Variants in STXBP6 observed in about 807,000 individuals in gnomAD.
STXBP6 encodes syntaxin binding protein 6.
Under a neutral mutation model 26.9 loss-of-function variants are expected in STXBP6, and 21 were observed. The observed-to-expected ratio is 0.78, with a 90% CI of 0.55 to 1.12. The LOEUF (loss-of-function observed/expected upper bound fraction) is 1.12. Among genes scored for constraint, STXBP6 ranks in the 50% most tolerant of loss-of-function variants. The pLI is 0.00. For synonymous variants in STXBP6, 97 were observed against 92.6 expected (o/e 1.05, Z -0.27); for missense variants, 232 against 257.9 (o/e 0.90, Z 0.69).
chr14:24,954,932 C>G (rs575612195), intron 2 of STXBP6, among the ~76,000 whole-genome samples: 1 of 152,276 alleles, frequency 6.6e-6, no homozygotes, highest in East Asian at 1.9e-4. Flanking sequence ...CTCTGTGACA[C>G]TGGGCAAGTT....
intron 2 of STXBP6, among the ~76,000 whole-genome samples, chr14:24,899,803 A>AAAAGC (rs2071143934): frequency 1.6e-4 from 13 of 80,108 alleles, no homozygotes; most frequent in Non-Finnish European, 1.8e-4. Flanking sequence ...AAAAAAAGCA[A>AAAAGC]AAAAAAAAAA....
chr14:25,036,617 G>A (rs1335598668), intron 1 of STXBP6, among the ~76,000 whole-genome samples: 1 of 152,160 alleles, frequency 6.6e-6, no homozygotes, highest in Non-Finnish European at 1.5e-5. Context: ...CACTCTGGGA[G>A]GCTGAGGCGG....
chr14:24,838,938 C>T (rs1566398072), intron 4 of STXBP6, among the ~76,000 whole-genome samples: 1 of 151,910 alleles, frequency 6.6e-6, no homozygotes, highest in Non-Finnish European at 1.5e-5. Context: ...AAAAGTCAAC[C>T]AGGCTAAAGA....
intron 1 of STXBP6, among the ~76,000 whole-genome samples, chr14:25,018,450 G>A: frequency 6.6e-6 from 1 of 152,138 alleles, no homozygotes; most frequent in Middle Eastern, 3.2e-3. Flanking sequence ...TCTGAGAGGG[G>A]TAATATAATA....
chr14:24,850,527 G>A (rs540103701), intron 4 of STXBP6, among the ~76,000 whole-genome samples: 7 of 152,238 alleles, frequency 4.6e-5, no homozygotes, highest in African/African-American at 1.7e-4. Flanking sequence ...AGCTAACATT[G>A]AAATAAAATT....
chr14:24,826,063 C>T lies in STXBP6; in HGVS notation c.452-6869G>A, dbSNP rs189120180. On this transcript the variant is annotated intron_variant, in intron 4 of 5. Coordinates refer to ENST00000323944, the MANE Select transcript of STXBP6 (RefSeq NM_001394410.1). The stretch of plus-strand genomic sequence containing the variant: ...TGGGTTATGTTTGCTGACAAACCAG[C>T]TATGATCTACAGGTCTCTACTTTTA... Among the ~76,000 whole-genome samples, 6 of 152,308 alleles carry T rather than the reference C, an allele frequency of 3.9e-5. No individual in the cohort carries two copies. The East Asian group carries it at 1.2e-3, about 29-fold the overall frequency.
At chr14:24,880,663 A>T (rs1258859246) in intron 2 of STXBP6, among the ~76,000 whole-genome samples, 1 of 152,252 alleles carries the variant, frequency 6.6e-6, no homozygotes, top group Non-Finnish European at 1.5e-5. Flanking sequence ...GAAATATCCC[A>T]GTTCCCATTA....
intron 1 of STXBP6, among the ~76,000 whole-genome samples, chr14:25,044,657 C>T (rs1460922052): frequency 6.6e-6 from 1 of 152,138 alleles, no homozygotes; most frequent in Non-Finnish European, 1.5e-5. Context: ...ACTCTGTTGC[C>T]CAGGCTGGAG....
intron 2 of STXBP6, among the ~76,000 whole-genome samples, chr14:24,946,254 T>C (rs535581242): frequency 6.6e-6 from 1 of 152,288 alleles, no homozygotes; most frequent in East Asian, 1.9e-4. Flanking sequence ...AGAACTACCC[T>C]ACAAAGTAAA....
Position 24,992,137 on chromosome 14 carries a change from T to C in STXBP6, c.-32-17287A>G, listed in dbSNP as rs534861643. ...AGCACCTAGCACAATAGCTAGGAAA[T>C]AGCTCCATATTATGGAGCTGAAAAA... On this transcript the variant is annotated intron_variant, in intron 1 of 5. Coordinates refer to ENST00000323944, the MANE Select transcript of STXBP6 (RefSeq NM_001394410.1). 5.3e-5 allele frequency among the ~76,000 whole-genome samples: 8 copies of C among 152,322 alleles called. No individual in the cohort carries two copies. The South Asian group carries it at 1.5e-3, about 28-fold the overall frequency.
chr14:24,815,322 TTC>T lies in STXBP6; in HGVS notation c.610-2592_610-2591del, dbSNP rs1360247123. ...TGTTCTTAATATCTCATGGAAAGAGTTCTCTTTCAATGCTATGCATGTAACCT... is the reference window on the plus strand; with the variant it reads ...TGTTCTTAATATCTCATGGAAAGAGTTCTTTCAATGCTATGCATGTAACCT... On this transcript the variant is annotated intron_variant, in intron 5 of 5. Coordinates refer to ENST00000323944, the MANE Select transcript of STXBP6 (RefSeq NM_001394410.1). Among the ~76,000 whole-genome samples, 3 of 152,166 alleles carry T rather than the reference TTC, an allele frequency of 2.0e-5. No individual in the cohort carries two copies. In the East Asian group the frequency reaches 5.8e-4, roughly 29 times the overall value.
intron 5 of STXBP6, among the ~76,000 whole-genome samples, chr14:24,818,566 G>A (rs2068047131): frequency 6.6e-6 from 1 of 152,162 alleles, no homozygotes; most frequent in Non-Finnish European, 1.5e-5. Flanking sequence ...CCCTGGGACT[G>A]GGGCTTGCTT....
At chr14:24,882,459 A>G in intron 2 of STXBP6, among the ~76,000 whole-genome samples, 1 of 148,278 alleles carries the variant, frequency 6.7e-6, no homozygotes, top group East Asian at 2.0e-4. Flanking sequence ...AACTTCCTTA[A>G]CCTTGAGATG....
chr14:25,012,345 ACAGT>A (rs2075049730), intron 1 of STXBP6, among the ~76,000 whole-genome samples: 1 of 152,186 alleles, frequency 6.6e-6, no homozygotes, highest in Non-Finnish European at 1.5e-5. Context: ...ATGCATGCAC[ACAGT>A]CAGGCATGTT....
intron 2 of STXBP6, among the ~76,000 whole-genome samples, chr14:24,947,828 C>T (rs1021542688): frequency 1.3e-5 from 2 of 152,294 alleles, no homozygotes; most frequent in Non-Finnish European, 1.5e-5. Context: ...CTTCACTCTA[C>T]ATGCCACTTC....
chr14:24,952,786 C>G (rs1003768020), intron 2 of STXBP6, among the ~76,000 whole-genome samples: 1 of 152,136 alleles, frequency 6.6e-6, no homozygotes, highest in Non-Finnish European at 1.5e-5. Flanking sequence ...TTATTTAATG[C>G]TGTCCATAAA....
At chr14:24,904,913 G>T (rs557558078) in intron 2 of STXBP6, among the ~76,000 whole-genome samples, 1 of 152,182 alleles carries the variant, frequency 6.6e-6, no homozygotes, top group Admixed American at 6.5e-5. Context: ...GATTTGATTA[G>T]AAAATTACCA....
At chr14:24,921,113 A>C (rs912960855) in intron 2 of STXBP6, among the ~76,000 whole-genome samples, 3 of 152,168 alleles carry the variant, frequency 2.0e-5, no homozygotes, top group South Asian at 2.1e-4. Flanking sequence ...ATAATCTGTT[A>C]AAGTCTCAAT....
rs2070286572 is a variant in STXBP6 at position 24,879,738 on chromosome 14, G to T, written c.155-22581C>A. On this transcript the variant is annotated intron_variant, in intron 2 of 5. Coordinates refer to ENST00000323944, the MANE Select transcript of STXBP6 (RefSeq NM_001394410.1). ...TCGCCTTTCTTTCTCTAAGCTCCAG[G>T]CACTCTTTTTACAATAGAGAAACAG... is the stretch of plus-strand genomic sequence containing the variant. Among the ~76,000 whole-genome samples the T allele has an allele frequency of 1.3e-5, 2 of 152,120 alleles. 1 individual carries two copies. Among genetic ancestry groups the T allele is most frequent in the Middle Eastern group, 6.8e-3 (2 of 294 alleles).
Sources: allele counts gnomAD v4.1 joint callset (sites outside exome capture counted in the v4.1 genomes callset), GRCh38; gene constraint gnomAD v4.1.1; transcripts MANE v1.5; gene names NCBI Gene and HGNC (gene_info 2026-07-23, HGNC 2026-07-21).